Variants in LRMDA observed in about 807,000 individuals in gnomAD.
LRMDA encodes the protein leucine rich melanocyte differentiation associated, also known as leucine-rich melanocyte differentiation-associated protein.
A neutral mutation model predicts 29.8 loss-of-function variants in LRMDA; 18 were observed. That is an observed-to-expected ratio of 0.60 (90% CI 0.42 to 0.90). The LOEUF is 0.90. LRMDA is among the 40% of genes least tolerant of loss of function. The probability of loss-of-function intolerance (pLI) is 0.00; values close to 1 mark genes in which losing one functional copy is unlikely to be tolerated. For synonymous variants in LRMDA, 125 were observed against 109.4 expected (o/e 1.14, Z -0.89); for missense variants, 273 against 273.9 (o/e 1.00, Z 0.02).
intron 6 of LRMDA, among the ~76,000 whole-genome samples, chr10:76,367,772 A>G (rs1475460111): frequency 1.3e-5 from 2 of 152,020 alleles, no homozygotes; most frequent in African/African-American, 4.8e-5. Flanking sequence ...GACCATTTCA[A>G]TCTTGCTGCT....
In LRMDA at chr10:76,385,579, G is replaced by A. The variant is rs150553381; in HGVS notation, c.601+61094G>A. Reference sequence around the variant, plus strand: ...GCAGAGTGTAGTAGTCTTGTGTCCCGAATCTCTTTACTAACATGCCATCTT... The same window carrying A: ...GCAGAGTGTAGTAGTCTTGTGTCCCAAATCTCTTTACTAACATGCCATCTT... On this transcript the variant is annotated intron_variant, in intron 6 of 6. Coordinates refer to ENST00000611255, the MANE Select transcript of LRMDA (RefSeq NM_001305581.2). Among the ~76,000 whole-genome samples, 18 of 152,268 alleles carry A rather than the reference G, an allele frequency of 1.2e-4. No homozygotes were observed. In the East Asian group the frequency reaches 3.3e-3, roughly 28 times the overall value.
chr10:76,058,826 C>G, intron 5 of LRMDA, 43 bp downstream of exon 5: 1 of 1,471,564 alleles, frequency 6.8e-7, no homozygotes, highest in Non-Finnish European at 9.5e-7. Context: ...ATTTACATCT[C>G]ATGGCAGTGC....
At chr10:76,527,504 A>T (rs1843190273) in intron 6 of LRMDA, among the ~76,000 whole-genome samples, 1 of 152,082 alleles carries the variant, frequency 6.6e-6, no homozygotes, top group Non-Finnish European at 1.5e-5. Flanking sequence ...ATTCTATTTC[A>T]CATTAGAGCC....
intron 2 of LRMDA, among the ~76,000 whole-genome samples, chr10:75,513,364 C>G (rs751936283): frequency 7.2e-5 from 11 of 152,154 alleles, no homozygotes; most frequent in Non-Finnish European, 1.5e-4. Context: ...TTTTTGTCAC[C>G]ACCATACAAA....
intron 6 of LRMDA, among the ~76,000 whole-genome samples, chr10:76,486,066 T>C (rs1842779732): frequency 6.6e-6 from 1 of 151,896 alleles, no homozygotes; most frequent in Non-Finnish European, 1.5e-5. Flanking sequence ...TACTCCAGAG[T>C]TTTTGGTTAC....
In LRMDA at chr10:75,508,877, A is replaced by G. The variant is rs1402253613; in HGVS notation, c.131+70383A>G. Among the ~76,000 whole-genome samples, 4 of 152,250 alleles carry G rather than the reference A, an allele frequency of 2.6e-5. No homozygotes were observed. The East Asian group carries it at 7.7e-4, about 29-fold the overall frequency. On this transcript the variant is annotated intron_variant, in intron 2 of 6. Transcript: ENST00000611255. Reference sequence around the variant, plus strand: ...CCTTGTAACAGTCCCCCAGCAATTTATGGGCACTGGTGGAACTTTTTATTA... The same window carrying G: ...CCTTGTAACAGTCCCCCAGCAATTTGTGGGCACTGGTGGAACTTTTTATTA...
At chr10:75,903,064 T>C (rs977560188) in intron 2 of LRMDA, among the ~76,000 whole-genome samples, 1 of 152,236 alleles carries the variant, frequency 6.6e-6, no homozygotes, top group Non-Finnish European at 1.5e-5. Context: ...CCAGGCAGCC[T>C]GAACCAGGAT....
At chr10:75,497,458 G>A (rs541097161) in intron 2 of LRMDA, among the ~76,000 whole-genome samples, 5 of 151,602 alleles carry the variant, frequency 3.3e-5, no homozygotes, top group Non-Finnish European at 7.4e-5. Context: ...TCTAGAGTTC[G>A]ATATTTTTTT....
intron 6 of LRMDA, among the ~76,000 whole-genome samples, chr10:76,449,607 T>C (rs1842386700): frequency 6.6e-6 from 1 of 151,968 alleles, no homozygotes; most frequent in South Asian, 2.1e-4. Context: ...TTGGGCTTAA[T>C]TTTATAACTT....
chr10:76,275,784 T>C (rs1840123770), intron 5 of LRMDA, among the ~76,000 whole-genome samples: 1 of 152,180 alleles, frequency 6.6e-6, no homozygotes, highest in Non-Finnish European at 1.5e-5. Flanking sequence ...TTGCACAGTA[T>C]TTCTTTAAAT....
intron 2 of LRMDA, among the ~76,000 whole-genome samples, chr10:75,997,515 A>G (rs1847490848): frequency 6.6e-6 from 1 of 151,766 alleles, no homozygotes; most frequent in Non-Finnish European, 1.5e-5. Context: ...TATCCTAAAG[A>G]CAAACTCTTA....
At chr10:75,811,675 G>A (rs1843962317) in intron 2 of LRMDA, among the ~76,000 whole-genome samples, 1 of 152,220 alleles carries the variant, frequency 6.6e-6, no homozygotes, top group South Asian at 2.1e-4. Context: ...AGGATGCTGA[G>A]GGCCCGAGAG....
chr10:75,887,918 A>C (rs1167062018), intron 2 of LRMDA, among the ~76,000 whole-genome samples: 2 of 152,196 alleles, frequency 1.3e-5, no homozygotes, highest in African/African-American at 4.8e-5. Flanking sequence ...GGAGATCCTG[A>C]GAGAATGAAA....
chr10:76,485,285 A>T (rs1319622966), intron 6 of LRMDA, among the ~76,000 whole-genome samples: 1 of 151,714 alleles, frequency 6.6e-6, no homozygotes, highest in Non-Finnish European at 1.5e-5. Context: ...CTCTTTTATC[A>T]TATCAACTAT....
At chr10:75,858,160 C>T (rs1844859158) in intron 2 of LRMDA, among the ~76,000 whole-genome samples, 3 of 152,136 alleles carry the variant, frequency 2.0e-5, no homozygotes. Context: ...CCCGTACCAG[C>T]CCACCAGCAG....
At chr10:75,974,774 T>A (rs1293762610) in intron 2 of LRMDA, among the ~76,000 whole-genome samples, 1 of 152,184 alleles carries the variant, frequency 6.6e-6, no homozygotes, top group Non-Finnish European at 1.5e-5. Flanking sequence ...TCCCCTAAAA[T>A]TTCATACCTA....
rs144037195 is a variant in LRMDA, at chr10:76,378,858, C to CTTTTTTTTTTTTTTTTTTT, written c.601+54389_601+54390insTTTTTTTTTTTTTTTTTTT. Reference sequence around the variant, plus strand: ...CTTTTCTCTCTTTTTCTTTTTTTTTCTTTTTTTTTTTTTTTTGAGACGATG... The same window carrying CTTTTTTTTTTTTTTTTTTT: ...CTTTTCTCTCTTTTTCTTTTTTTTTCTTTTTTTTTTTTTTTTTTTTTTTTTTTTTTTTTTTGAGACGATG... On this transcript the variant is annotated intron_variant, in intron 6 of 6. Transcript: ENST00000611255. Among the ~76,000 whole-genome samples the CTTTTTTTTTTTTTTTTTTT allele has an allele frequency of 8.9e-4, 106 of 118,932 alleles. 1 individual carries two copies. Among genetic ancestry groups the CTTTTTTTTTTTTTTTTTTT allele is most frequent in the Non-Finnish European group, 1.3e-3 (79 of 61,420 alleles). 78.0% of individuals were successfully genotyped at this position (118,932 alleles called of 152,430 possible).
intron 2 of LRMDA, among the ~76,000 whole-genome samples, chr10:75,749,433 T>C (rs993998518): frequency 1.3e-5 from 2 of 152,112 alleles, no homozygotes; most frequent in African/African-American, 4.8e-5. Context: ...CATACAGATA[T>C]ATATTTATAC....
At chr10:76,415,435 T>C (rs1842004432) in intron 6 of LRMDA, among the ~76,000 whole-genome samples, 1 of 152,158 alleles carries the variant, frequency 6.6e-6, no homozygotes, top group Non-Finnish European at 1.5e-5. Context: ...ACTCTGAGAA[T>C]AAGGAGTCTT....
Sources: allele counts gnomAD v4.1 joint callset (sites outside exome capture counted in the v4.1 genomes callset), GRCh38; gene constraint gnomAD v4.1.1; transcripts MANE v1.5; gene names NCBI Gene and HGNC (gene_info 2026-07-23, HGNC 2026-07-21).